The following USP42 variants were observed in gnomAD, a reference collection of about 807,000 sequenced individuals.
USP42 encodes the protein ubiquitin carboxyl-terminal hydrolase 42.
USP42 carries 23 observed loss-of-function variants against 113.0 expected under a neutral mutation model. That is an observed-to-expected ratio of 0.20 (90% CI 0.15 to 0.29). The LOEUF is 0.29. Ranked by LOEUF, USP42 falls within the 10% of genes least tolerant of loss-of-function variation. The probability of loss-of-function intolerance (pLI) is 1.00; values close to 1 mark genes in which losing one functional copy is unlikely to be tolerated. For synonymous variants in USP42, 933 were observed against 699.0 expected (o/e 1.33, Z -5.28); for missense variants, 2,174 against 1,779.8 (o/e 1.22, Z -3.99).
chr7:6,156,926 A>G lies in USP42; in HGVS notation c.3814A>G (p.Arg1272Gly), dbSNP rs116433111. 863 of 1,613,926 alleles carry G rather than the reference A, an allele frequency of 5.3e-4. 4 individuals carry two copies. The African/African-American group carries it at 0.01, about 19-fold the overall frequency. Residue 1272 changes from arginine to glycine, a missense_variant, in exon 16 of 18, where the codon AGA becomes GGA. By Grantham distance (125) the Arg-to-Gly change is moderately radical. Transcript: ENST00000306177. The stretch of plus-strand genomic sequence containing the variant: ...CTTGGAGACTGTCGCCCAGTTCCGG[A>G]GAGCCCAGGGTGGCTTTCCTCTCTC... The part of the protein sequence containing the change: ...TSLETVAQFR[R>G]AQGGFPLSGG...
chr7:6,090,171 A>G, the USP42 span, among the ~76,000 whole-genome samples: 1 of 148,596 alleles, frequency 6.7e-6, no homozygotes, highest in Non-Finnish European at 1.5e-5. Flanking sequence ...ATGGTGGCGC[A>G]TGCCTGTAAT....
chr7:6,150,195 A>C lies in USP42; in HGVS notation c.1999A>C (p.Ser667Arg), dbSNP rs1160031993. The C allele has an allele frequency of 3.7e-6, 6 of 1,613,822 alleles. No homozygotes were observed. The African/African-American group carries it at 6.7e-5, about 18-fold the overall frequency. ...LNGANSADSD[S>R]DPKENGLAPD... The stretch of plus-strand genomic sequence containing the variant: ...CGGTGCTAATAGTGCAGACAGCGAC[A>C]GTGACCCGAAAGAAAACGGCCTAGC... Residue 667 changes from serine (S) to arginine (R), a missense_variant, in exon 13 of 18, where the codon AGT (serine) becomes CGT (arginine). Physicochemically the swap from Ser to Arg is moderately radical, Grantham distance 110. Coordinates refer to ENST00000306177, the MANE Select transcript of USP42 (RefSeq NM_032172.3).
chr7:6,116,698 AC>A lies in USP42; in HGVS notation c.442+1177del, dbSNP rs1209433471. 1.0e-5 allele frequency: 5 copies of A among 487,504 alleles called. No homozygotes were observed. The Admixed American group carries it at 1.0e-4, about 10-fold the overall frequency. The allele number at this position is 487,504 out of a possible 1,614,324, so 30.2% of individuals were successfully genotyped here. Reference sequence around the variant, plus strand: ...GGAAAGTACAGAAAAACTTAAAGAAACCAAAGAAAAATCACCTAGAATCTCA... The same window carrying A: ...GGAAAGTACAGAAAAACTTAAAGAAACAAAGAAAAATCACCTAGAATCTCA... On this transcript the variant is annotated intron_variant, in intron 3 of 17. Transcript: ENST00000306177.
the USP42 span, among the ~76,000 whole-genome samples, chr7:6,091,982 T>TTCC: frequency 1.0e-3 from 22 of 21,406 alleles, 2 homozygotes; most frequent in African/African-American, 2.6e-3. Flanking sequence ...GTATTTTTTC[T>TTCC]TCTTCTTCTT....
At chr7:6,106,532 C>G (rs1013617999) in intron 1 of USP42, among the ~76,000 whole-genome samples, 35 of 152,156 alleles carry the variant, frequency 2.3e-4, no homozygotes, top group African/African-American at 8.0e-4. Flanking sequence ...CTTGTGAAGT[C>G]TCATTCCTCC....
chr7:6,130,698 GTTC>G (rs1376526705), intron 3 of USP42, among the ~76,000 whole-genome samples: 3 of 152,058 alleles, frequency 2.0e-5, no homozygotes, highest in South Asian at 2.1e-4. Flanking sequence ...TGAGGCCATA[GTTC>G]TTCTGTGATG....
chr7:6,135,311 T>A (rs964832260), intron 3 of USP42, among the ~76,000 whole-genome samples: 4 of 152,142 alleles, frequency 2.6e-5, no homozygotes, highest in African/African-American at 4.8e-5. Flanking sequence ...TTTTCCTTTC[T>A]TGTGAAAGAG....
rs372942471 is a variant in USP42 at position 6,149,909 on chromosome 7, G to A, written c.1713G>A (p.Thr571=). The part of the protein sequence containing the change: ...SAVQSTSNAS[T]MSVSSKVTKP... ...TACAGTCTACCTCGAACGCATCTAC[G>A]ATGTCAGTTTCTAGTAAAGTAACAA... Residue 571 remains threonine, a synonymous_variant, in exon 13 of 18, where the codon ACG becomes ACA. Transcript: ENST00000306177. 44 of 1,613,832 alleles carry A rather than the reference G, an allele frequency of 2.7e-5. No individual in the cohort carries two copies. The highest frequency in any genetic ancestry group is 3.3e-4 in the Middle Eastern group (2 of 6,084).
At chr7:6,128,107 C>G (rs1483776800) in intron 3 of USP42, 2 of 152,024 alleles carry the variant, frequency 1.3e-5, no homozygotes, top group Non-Finnish European at 2.9e-5. Context: ...CCCACCATGA[C>G]CAGCTAATTT....
At chr7:6,091,985 T>TTCC in the USP42 span, among the ~76,000 whole-genome samples, 1 of 34,372 alleles carries the variant, frequency 2.9e-5, no homozygotes, top group African/African-American at 9.2e-5. Flanking sequence ...TTTTTTCTTC[T>TTCC]TCTTCTTCTT....
the USP42 span, among the ~76,000 whole-genome samples, chr7:6,090,780 TATATAAC>T: frequency 6.9e-6 from 1 of 145,322 alleles, no homozygotes; most frequent in African/African-American, 2.6e-5. Flanking sequence ...ATATATAACA[TATATAAC>T]ATAATATATA....
rs868742158 is a variant in USP42, at chr7:6,149,764, C to A, written c.1568C>A (p.Thr523Lys). ...IPEHPKKQKI[T>K]ISIHNKLPVR... ...GAACATCCTAAGAAACAAAAAATTA[C>A]AATCAGTATTCACAACAAGTTGCCT... Residue 523 changes from threonine (T) to lysine (K), a missense_variant, in exon 13 of 18, where the codon ACA (threonine) becomes AAA (lysine). Physicochemically the swap from Thr to Lys is moderately conservative, Grantham distance 78. Transcript: ENST00000306177. 20 of 1,613,866 alleles carry A rather than the reference C, an allele frequency of 1.2e-5. No homozygotes were observed. The highest frequency in any genetic ancestry group is 6.7e-5 in the Admixed American group (4 of 59,992).
chr7:6,089,126 C>G, the USP42 span, among the ~76,000 whole-genome samples: 3 of 150,700 alleles, frequency 2.0e-5, no homozygotes, highest in East Asian at 1.9e-4. Flanking sequence ...TTCACTGCAA[C>G]CGCCACCTCC....
At chr7:6,156,436 CATT>C (rs1782447703) in intron 15 of USP42, among the ~76,000 whole-genome samples, 1 of 152,158 alleles carries the variant, frequency 6.6e-6, no homozygotes, top group Non-Finnish European at 1.5e-5. Context: ...CTGAAACAGT[CATT>C]ACAGTGAAGG....
chr7:6,118,367 C>A (rs949586707), intron 3 of USP42, among the ~76,000 whole-genome samples: 1 of 151,964 alleles, frequency 6.6e-6, no homozygotes, highest in African/African-American at 2.4e-5. Context: ...ATAAAAAATA[C>A]AAAAATTATC....
rs944128194 is a variant in USP42 at position 6,158,992 on chromosome 7, C to G, written c.3944-458C>G. The stretch of plus-strand genomic sequence containing the variant: ...CGTCCCCGTCCCACTGCACCGATGA[C>G]AGGGTTTGCAGCTGGCGCTTCTGCT... On this transcript the variant is annotated intron_variant, in intron 16 of 17. Coordinates refer to ENST00000306177, the MANE Select transcript of USP42 (RefSeq NM_032172.3). This position sits in a 1 kb window ranked among gnomAD's most constrained non-coding sequence, Gnocchi z 4.2. Among the ~76,000 whole-genome samples the G allele has an allele frequency of 6.6e-6, 1 of 152,144 alleles. No homozygotes were observed. The highest frequency in any genetic ancestry group is 2.4e-5 in the African/African-American group (1 of 41,434).
At chr7:6,122,458 T>C (rs1470554552) in intron 3 of USP42, among the ~76,000 whole-genome samples, 3 of 151,754 alleles carry the variant, frequency 2.0e-5, no homozygotes, top group Non-Finnish European at 4.4e-5. Flanking sequence ...TTGTTTTGTT[T>C]TGTTTTTTTG....
upstream of USP42, among the ~76,000 whole-genome samples, chr7:6,103,328 G>A (rs1396160137): frequency 6.6e-6 from 1 of 150,706 alleles, no homozygotes; most frequent in South Asian, 2.1e-4. Flanking sequence ...CCTGAGGTCA[G>A]GAGTTCGAGA....
In USP42 at chr7:6,155,025, A is replaced by C; in HGVS notation, c.3471A>C (p.Gly1157=). 6.4e-7 allele frequency: 1 copy of C among 1,563,894 alleles called. No homozygotes were observed. The highest frequency in any genetic ancestry group is 8.7e-7 in the Non-Finnish European group (1 of 1,153,830). Residue 1157 remains glycine, a synonymous_variant, in exon 15 of 18, where the codon GGA becomes GGC. Coordinates refer to ENST00000306177, the MANE Select transcript of USP42 (RefSeq NM_032172.3). ...ATCGGTTTCACGAACACGAAAATGG[A>C]AAGTCCCGGAAACGGAGACACGACA... ...LSDRFHEHEN[G]KSRKRRHDSV... is the part of the protein sequence containing the mutation.
Sources: gnomAD v4.1 joint callset for allele counts (sites outside exome capture counted in the v4.1 genomes callset) on GRCh38, gnomAD v4.1.1 for gene constraint, Gnocchi (gnomAD v3.1) non-coding constraint, MANE v1.5 for transcripts, NCBI Gene and HGNC (gene_info 2026-07-23, HGNC 2026-07-21) for gene names.